The following POLD1 variants were observed in gnomAD, a reference collection of about 807,000 sequenced individuals.
POLD1 encodes DNA polymerase delta catalytic subunit.
Under a neutral mutation model 129.7 loss-of-function variants are expected in POLD1, and 79 were observed. The ratio of observed to expected loss-of-function variants is 0.61; its 90% CI spans 0.51 to 0.73. The LOEUF is 0.73. POLD1 is among the 30% of genes least tolerant of loss of function. The pLI is 0.00. For synonymous variants in POLD1, 714 were observed against 683.3 expected, an observed-to-expected ratio of 1.04 and a Z score of -0.70; for missense variants, 1,338 against 1,595.8, an observed-to-expected ratio of 0.84 and a Z score of 2.75.
At chr19:50,395,842 A>C (rs1381064480) in intron 1 of POLD1, among the ~76,000 whole-genome samples, 1 of 148,836 alleles carries the variant, frequency 6.7e-6, no homozygotes, top group Non-Finnish European at 1.5e-5. Context: ...TTTAACCTGC[A>C]TATAACCTTG....
intron 1 of POLD1, among the ~76,000 whole-genome samples, chr19:50,395,652 C>A (rs1439399948): frequency 6.6e-6 from 1 of 151,884 alleles, no homozygotes; most frequent in African/African-American, 2.4e-5. Flanking sequence ...TTTCAACATT[C>A]TGTCCTATTT....
intron 1 of POLD1, among the ~76,000 whole-genome samples, chr19:50,392,972 G>A (rs1020685870): frequency 2.5e-4 from 38 of 152,328 alleles, no homozygotes; most frequent in Middle Eastern, 3.4e-3. Context: ...TCCATTGAAC[G>A]GACTTAACAT....
chr19:50,410,957 C>CTTTTTTTTTTTTTTTTTTTTT, intron 17 of POLD1: 1 of 124,242 alleles, frequency 8.0e-6, no homozygotes. Context: ...ACACAAACAC[C>CTTTTTTTTTTTTTTTTTTTTT]TTTTTTTTTT....
intron 22 of POLD1, chr19:50,416,028 G>A (rs2039275721): frequency 1.7e-6 from 1 of 583,452 alleles, no homozygotes; most frequent in Non-Finnish European, 3.0e-6. Context: ...CTTCCCTATG[G>A]AAGGGGCCCC....
intron 17 of POLD1, among the ~76,000 whole-genome samples, 169 bp from the exon 18 acceptor site, chr19:50,413,257 T>C (rs55954357): frequency 3.0e-3 from 454 of 152,264 alleles, no homozygotes; most frequent in African/African-American, 0.01. Flanking sequence ...GGAGCCGCCT[T>C]ATAGTCCCAT....
At chr19:50,413,948 T>C in intron 19 of POLD1, 69 bp downstream of exon 19, 1 of 1,468,628 alleles carries the variant, frequency 6.8e-7, no homozygotes, top group Non-Finnish European at 9.1e-7. Context: ...TCCCGTTCTT[T>C]GGGTTCACAA....
intron 24 of POLD1, 103 bp downstream of exon 24, chr19:50,416,826 G>T: frequency 3.0e-6 from 3 of 1,013,066 alleles, no homozygotes; most frequent in Non-Finnish European, 4.3e-6. Context: ...CCACCCAGTG[G>T]GCCCAGGGCC....
intron 1 of POLD1, among the ~76,000 whole-genome samples, chr19:50,397,486 C>A (rs550577266): frequency 1.5e-3 from 228 of 150,926 alleles, no homozygotes; most frequent in African/African-American, 5.2e-3. Context: ...CTCACTGCAA[C>A]CTCCGCCTCC....
At chr19:50,391,142 C>CA in intron 1 of POLD1, among the ~76,000 whole-genome samples, 1 of 149,568 alleles carries the variant, frequency 6.7e-6, no homozygotes, top group African/African-American at 2.5e-5. Context: ...CCAGACGGGG[C>CA]GTCGGGGCAG....
intron 20 of POLD1, among the ~76,000 whole-genome samples, 198 bp from the exon 21 acceptor site, chr19:50,415,240 A>G (rs1364264848): frequency 3.3e-5 from 5 of 152,042 alleles, no homozygotes; most frequent in Non-Finnish European, 1.5e-5. Context: ...GTGGTGAAGC[A>G]GTGGAAAGAG....
At chr19:50,407,812 T>G (rs1396657824) in intron 14 of POLD1, among the ~76,000 whole-genome samples, 1 of 147,810 alleles carries the variant, frequency 6.8e-6, no homozygotes, top group African/African-American at 2.5e-5. Flanking sequence ...GACCTCGTGA[T>G]CCACCTGCCT....
At chr19:50,388,752 CT>C (rs1180721139) in intron 1 of POLD1, among the ~76,000 whole-genome samples, 2 of 148,526 alleles carry the variant, frequency 1.3e-5, no homozygotes, top group Admixed American at 6.7e-5. Flanking sequence ...ACCTTTTGTC[CT>C]TTTTTTGGCT....
At position 50,406,780 on chromosome 19, in the gene POLD1, C is replaced by A. The variant is rs1159244075; in HGVS notation, c.1495-203C>A. On this transcript the variant is annotated intron_variant, in intron 12 of 26. Transcript: ENST00000440232. The surrounding 1 kb of genome is among the most constrained non-coding windows in gnomAD (Gnocchi z 5.5). ...ACGGTGGCCTTCAGGCTGCTCCCTC[C>A]TCCTCCCTCTGGCCCTGTGGACTCC... Among the ~76,000 whole-genome samples, 1 of 152,102 alleles carries A rather than the reference C, an allele frequency of 6.6e-6. No individual in the cohort carries two copies. Among genetic ancestry groups the A allele is most frequent in the Non-Finnish European group, 1.5e-5 (1 of 68,006 alleles).
At chr19:50,401,974 C>T (rs781677542) in intron 4 of POLD1, 25 bp from the exon 5 acceptor site, 2 of 1,614,136 alleles carry the variant, frequency 1.2e-6, no homozygotes, top group Non-Finnish European at 1.7e-6. Context: ...GCCCCCTGCA[C>T]CTCTGATCAT....
At position 50,414,876 on chromosome 19, in the gene POLD1, G is replaced by T. The variant is rs142017093; in HGVS notation, c.2450G>T (p.Arg817Leu). The change falls in exon 20 of 27, where the codon CGG (arginine) becomes CTG (leucine). Residue 817 changes from arginine (R) to leucine (L), a missense_variant. Arg to Leu is a moderately radical substitution (Grantham distance 102). This residue lies in a region of POLD1 where 720 missense variants were observed against 1,002.6 expected (regional missense o/e 0.72). Coordinates refer to ENST00000440232, the MANE Select transcript of POLD1 (RefSeq NM_002691.4). ...TACGCGGGCCTGCTCTTCTCCTCCC[G>T]GCCCGACGCCCACGACCGCATGGAC... ...KRYAGLLFSS[R>L]PDAHDRMDCK... 6.2e-7 allele frequency: 1 copy of T among 1,606,704 alleles called. No individual in the cohort carries two copies. Among genetic ancestry groups the T allele is most frequent in the South Asian group, 1.1e-5 (1 of 90,438 alleles).
At chr19:50,393,332 A>C (rs1001023540) in intron 1 of POLD1, among the ~76,000 whole-genome samples, 3 of 152,172 alleles carry the variant, frequency 2.0e-5, no homozygotes, top group Non-Finnish European at 4.4e-5. Context: ...AACTTTGTCT[A>C]AATGGTATTG....
chr19:50,395,474 C>T (rs2038323289), intron 1 of POLD1, among the ~76,000 whole-genome samples: 2 of 151,944 alleles, frequency 1.3e-5, no homozygotes, highest in Non-Finnish European at 2.9e-5. Flanking sequence ...GTCCCAGCTA[C>T]TCAGGAGGCT....
Position 50,409,899 on chromosome 19 carries a change from G to A in POLD1, c.2154+233G>A, listed in dbSNP as rs1257287430. Among the ~76,000 whole-genome samples, 2 of 152,240 alleles carry A rather than the reference G, an allele frequency of 1.3e-5. No individual in the cohort carries two copies. Among genetic ancestry groups the A allele is most frequent in the Non-Finnish European group, 2.9e-5 (2 of 68,044 alleles). ...ACTCTGTGCCCTGGGGATACAGAGG[G>A]GAACAAAATGGATGAGAGCTCCTGT... is the stretch of plus-strand genomic sequence containing the variant. On this transcript the variant is annotated intron_variant, in intron 17 of 26. Coordinates refer to ENST00000440232, the MANE Select transcript of POLD1 (RefSeq NM_002691.4). The surrounding 1 kb of genome is among the most constrained non-coding windows in gnomAD (Gnocchi z 5.8).
chr19:50,403,655 C>T (rs1042258968), intron 10 of POLD1, 58 bp downstream of exon 10: 1 of 1,058,962 alleles, frequency 9.4e-7, no homozygotes, highest in Non-Finnish European at 1.5e-6. Context: ...GCCTCCGGGC[C>T]CTGGGCCTCC....
Sources: allele counts gnomAD v4.1 joint callset (sites outside exome capture counted in the v4.1 genomes callset), GRCh38; gene constraint gnomAD v4.1.1; regional missense constraint gnomAD v4.1.1; non-coding constraint Gnocchi (gnomAD v3.1); transcripts MANE v1.5; gene names NCBI Gene and HGNC (gene_info 2026-07-23, HGNC 2026-07-21).